The following PFKFB3 variants were observed in gnomAD, a reference collection of about 807,000 sequenced individuals.
The protein encoded by PFKFB3 is 6-phosphofructo-2-kinase/fructose-2,6-bisphosphatase 3.
PFKFB3 carries 33 observed loss-of-function variants against 68.0 expected under a neutral mutation model. The ratio of observed to expected loss-of-function variants is 0.49; its 90% CI spans 0.37 to 0.65. PFKFB3 has a LOEUF of 0.65. PFKFB3 is among the 30% of genes least tolerant of loss of function. PFKFB3 has a pLI of 0.00. For synonymous variants in PFKFB3, 315 were observed against 288.2 expected (o/e 1.09, Z -0.94); for missense variants, 586 against 712.2 (o/e 0.82, Z 2.02).
chr10:6,290,068 T>G, the PFKFB3 span, among the ~76,000 whole-genome samples: 1 of 152,214 alleles, frequency 6.6e-6, no homozygotes, highest in African/African-American at 2.4e-5. Flanking sequence ...TCCTGAGACT[T>G]TGCTGAAGTT....
At chr10:6,227,293 C>T (rs1393274378) in intron 14 of PFKFB3, among the ~76,000 whole-genome samples, 2 of 152,126 alleles carry the variant, frequency 1.3e-5, no homozygotes, top group Admixed American at 6.5e-5. Context: ...CAGGTACCAC[C>T]CAAGGGTCTG....
chr10:6,236,493 C>G (rs927277654), downstream of PFKFB3, among the ~76,000 whole-genome samples: 1 of 152,238 alleles, frequency 6.6e-6, no homozygotes, highest in African/African-American at 2.4e-5. Context: ...GAGTCTTCAT[C>G]CCTTAGGCGC....
At chr10:6,218,299 G>C (rs548642207) in intron 6 of PFKFB3, among the ~76,000 whole-genome samples, 35 of 151,844 alleles carry the variant, frequency 2.3e-4, no homozygotes, top group South Asian at 2.1e-3. Context: ...ATCTCTTTCT[G>C]ATGAAATCTC....
Position 6,215,990 on chromosome 10 carries a change from C to G in PFKFB3, c.300-135C>G. The G allele has an allele frequency of 1.2e-6, 1 of 862,926 alleles. No individual in the cohort carries two copies. The highest frequency in any genetic ancestry group is 2.5e-5 in the East Asian group (1 of 40,392). The allele number at this position is 862,926 out of a possible 1,614,324, so 53.5% of individuals were successfully genotyped here. A position where few individuals can be genotyped will look rare whatever the true frequency, so the allele number is the denominator to read the frequency against. On this transcript the variant is annotated intron_variant, in intron 3 of 14. Coordinates refer to ENST00000379775, the MANE Select transcript of PFKFB3 (RefSeq NM_004566.4). The surrounding 1 kb of genome is among the most constrained non-coding windows in gnomAD (Gnocchi z 4.3). The stretch of plus-strand genomic sequence containing the variant: ...AGCCTCTGGGCCTGAGGGGTGCTGG[C>G]CAGCCTGCCCAGCGCTAAGCAGTGT...
chr10:6,323,346 C>T, the PFKFB3 span, among the ~76,000 whole-genome samples: 7 of 152,140 alleles, frequency 4.6e-5, no homozygotes, highest in African/African-American at 1.4e-4. Context: ...CATCTGAGGC[C>T]GAAGCCTCGA....
intron 1 of PFKFB3, among the ~76,000 whole-genome samples, chr10:6,158,161 C>T (rs941181662): frequency 2.0e-5 from 3 of 151,104 alleles, no homozygotes; most frequent in South Asian, 4.2e-4. Flanking sequence ...TGGTGGCGGG[C>T]GCCTGTGGTC....
intron 10 of PFKFB3, 127 bp from the exon 11 acceptor site, chr10:6,222,728 C>T (rs1187579850): frequency 2.2e-5 from 23 of 1,066,130 alleles, no homozygotes; most frequent in Non-Finnish European, 5.3e-6. Context: ...TGCTCCTTCT[C>T]AACCACTGCT....
the PFKFB3 span, among the ~76,000 whole-genome samples, chr10:6,265,043 G>A: frequency 1.8e-4 from 27 of 149,160 alleles, no homozygotes; most frequent in Middle Eastern, 3.2e-3. Flanking sequence ...GTCAATTTGT[G>A]TTAGTTTTCT....
At chr10:6,307,955 C>T in the PFKFB3 span, among the ~76,000 whole-genome samples, 2 of 152,222 alleles carry the variant, frequency 1.3e-5, no homozygotes, top group South Asian at 2.1e-4. Context: ...ACAAGTTCTG[C>T]CCCCTTCCCC....
the PFKFB3 span, among the ~76,000 whole-genome samples, chr10:6,298,372 CTTT>C: frequency 2.1e-5 from 3 of 139,664 alleles, no homozygotes; most frequent in African/African-American, 7.9e-5. Context: ...GTTCAGGGCA[CTTT>C]TTTTTTTTTT....
downstream of PFKFB3, among the ~76,000 whole-genome samples, chr10:6,255,730 G>A (rs1433015278): frequency 2.6e-5 from 4 of 152,194 alleles, no homozygotes; most frequent in South Asian, 2.1e-4. Flanking sequence ...AACAGCAGTC[G>A]GCTGGGGAAG....
At chr10:6,212,007 G>A (rs1756140573) in intron 1 of PFKFB3, among the ~76,000 whole-genome samples, 2 of 152,228 alleles carry the variant, frequency 1.3e-5, no homozygotes, top group South Asian at 4.1e-4. Context: ...CCGTCTGAGG[G>A]GTGGTGGCTC....
chr10:6,317,596 G>A, the PFKFB3 span, among the ~76,000 whole-genome samples: 1 of 152,156 alleles, frequency 6.6e-6, no homozygotes, highest in African/African-American at 2.4e-5. Flanking sequence ...CAGAGGAGCC[G>A]GTGGAGCGGA....
At chr10:6,174,878 C>T (rs1192042212) in intron 1 of PFKFB3, among the ~76,000 whole-genome samples, 3 of 151,308 alleles carry the variant, frequency 2.0e-5, no homozygotes, top group South Asian at 2.1e-4. Context: ...TACAGTGGCA[C>T]GATCTCGGCT....
chr10:6,246,432 G>C (rs879860574), intron 14 of PFKFB3, among the ~76,000 whole-genome samples: 3 of 151,110 alleles, frequency 2.0e-5, no homozygotes, highest in Admixed American at 2.0e-4. Flanking sequence ...TCCACCTCCC[G>C]GGTTCAAGCA....
At chr10:6,323,602 C>T in the PFKFB3 span, among the ~76,000 whole-genome samples, 1 of 152,186 alleles carries the variant, frequency 6.6e-6, no homozygotes, top group Non-Finnish European at 1.5e-5. Flanking sequence ...AAAATTTTCA[C>T]ATACAGATTG....
chr10:6,282,349 C>T, the PFKFB3 span, among the ~76,000 whole-genome samples: 6 of 152,212 alleles, frequency 3.9e-5, no homozygotes, highest in South Asian at 4.1e-4. Context: ...ATTCTCTGTG[C>T]ATAACATACC....
At chr10:6,209,302 G>A (rs1844000790) in intron 1 of PFKFB3, among the ~76,000 whole-genome samples, 1 of 152,048 alleles carries the variant, frequency 6.6e-6, no homozygotes, top group South Asian at 2.1e-4. Flanking sequence ...TGACATCTGT[G>A]TTCCCCCAGG....
chr10:6,212,843 T>A (rs1451500743), intron 1 of PFKFB3, among the ~76,000 whole-genome samples: 1 of 152,166 alleles, frequency 6.6e-6, no homozygotes, highest in African/African-American at 2.4e-5. Flanking sequence ...AGATTTTTTT[T>A]AGAAACTCTG....
Sources: gnomAD v4.1 joint callset for allele counts (sites outside exome capture counted in the v4.1 genomes callset) on GRCh38, gnomAD v4.1.1 for gene constraint, Gnocchi (gnomAD v3.1) non-coding constraint, MANE v1.5 for transcripts, NCBI Gene and HGNC (gene_info 2026-07-23, HGNC 2026-07-21) for gene names.